Variants in MAGI2 observed in about 807,000 individuals in gnomAD.
MAGI2 encodes membrane-associated guanylate kinase, WW and PDZ domain-containing protein 2.
Under a neutral mutation model 133.3 loss-of-function variants are expected in MAGI2, and 35 were observed. The observed-to-expected ratio is 0.26, with a 90% CI of 0.20 to 0.35. MAGI2 has a LOEUF of 0.35. MAGI2 is among the 10% of genes least tolerant of loss of function. The pLI, the probability that MAGI2 is intolerant of heterozygous loss-of-function variation, is 1.00. For missense variants in MAGI2, 1,636 were observed against 1,863.4 expected, an observed-to-expected ratio of 0.88 and a Z score of 2.25; for synonymous variants, 729 against 710.6, an observed-to-expected ratio of 1.03 and a Z score of -0.41.
At chr7:78,828,748 A>G (rs1563553720) in intron 2 of MAGI2, among the ~76,000 whole-genome samples, 1 of 152,060 alleles carries the variant, frequency 6.6e-6, no homozygotes, top group African/African-American at 2.4e-5. Flanking sequence ...GTGTGTAGAA[A>G]CTCTCTGTAC....
At chr7:79,203,111 A>G (rs1183503246) in intron 1 of MAGI2, among the ~76,000 whole-genome samples, 4 of 151,910 alleles carry the variant, frequency 2.6e-5, no homozygotes, top group East Asian at 3.9e-4. Flanking sequence ...CTTCATCTCC[A>G]CACACGAAAA....
chr7:78,585,653 G>T (rs1232174564), intron 3 of MAGI2, among the ~76,000 whole-genome samples: 28 of 152,188 alleles, frequency 1.8e-4, no homozygotes, highest in Admixed American at 1.8e-3. Flanking sequence ...AAAGGCAATG[G>T]CAGTGATAAC....
chr7:78,836,724 T>C (rs1303339972), intron 2 of MAGI2, among the ~76,000 whole-genome samples: 1 of 152,178 alleles, frequency 6.6e-6, no homozygotes, highest in Non-Finnish European at 1.5e-5. Flanking sequence ...TTTTCTAGAC[T>C]CCTAGTGCCA....
chr7:78,336,217 T>C (rs993398782), intron 9 of MAGI2, among the ~76,000 whole-genome samples: 5 of 152,156 alleles, frequency 3.3e-5, no homozygotes, highest in Admixed American at 2.6e-4. Context: ...TACATATATA[T>C]ACACACATGC....
intron 2 of MAGI2, among the ~76,000 whole-genome samples, chr7:78,667,367 TC>T (rs1813721652): frequency 6.6e-6 from 1 of 150,856 alleles, no homozygotes; most frequent in African/African-American, 2.4e-5. Context: ...TTTTTGAGAT[TC>T]TTTTTTTTTT....
chr7:78,938,541 G>A (rs561143324), intron 2 of MAGI2, among the ~76,000 whole-genome samples: 191 of 152,122 alleles, frequency 1.3e-3, no homozygotes, highest in African/African-American at 4.2e-3. Context: ...AATAAGAAAT[G>A]ATACATGATT....
rs186030650 is a variant in MAGI2, at chr7:78,132,036, G to A, written c.3203+853C>T. Among the ~76,000 whole-genome samples, 33 of 152,130 alleles carry A rather than the reference G, an allele frequency of 2.2e-4. No homozygotes were observed. The East Asian group carries it at 5.8e-3, about 27-fold the overall frequency. On this transcript the variant is annotated intron_variant, in intron 18 of 21. Coordinates refer to ENST00000354212, the MANE Select transcript of MAGI2 (RefSeq NM_012301.4). ...ACTACAGGCGTGTACCACCACAACCGGCTAACTTTTGTGTTTTTTGTAGAG... is the reference window on the plus strand; with the variant it reads ...ACTACAGGCGTGTACCACCACAACCAGCTAACTTTTGTGTTTTTTGTAGAG...
At chr7:78,972,202 C>T (rs962332368) in intron 2 of MAGI2, among the ~76,000 whole-genome samples, 19 of 151,952 alleles carry the variant, frequency 1.3e-4, no homozygotes, top group African/African-American at 4.3e-4. Context: ...CATACCTGAT[C>T]ACTGATTTAA....
chr7:78,137,521 CT>C (rs1259522242), intron 16 of MAGI2, among the ~76,000 whole-genome samples: 1 of 152,122 alleles, frequency 6.6e-6, no homozygotes, highest in Non-Finnish European at 1.5e-5. Flanking sequence ...TAGGTACCAA[CT>C]TGGTTTCTTT....
intron 1 of MAGI2, among the ~76,000 whole-genome samples, chr7:79,100,943 A>G (rs746753476): frequency 2.6e-5 from 4 of 152,098 alleles, no homozygotes; most frequent in Admixed American, 2.0e-4. Flanking sequence ...TCTTTTTCCT[A>G]CTGAGATAAA....
intron 13 of MAGI2, among the ~76,000 whole-genome samples, chr7:78,178,532 C>T (rs907195659): frequency 6.6e-6 from 1 of 151,686 alleles, no homozygotes; most frequent in Non-Finnish European, 1.5e-5. Flanking sequence ...TAAAGCACTG[C>T]CTGGTAATTT....
In MAGI2 at chr7:79,416,725, C is replaced by CTTTTTTTTT. The variant is rs1176426138; in HGVS notation, c.301+36294_301+36295insAAAAAAAAA. ...TTCTTTTTTCTTTTCTTTTCTTTTTCTTTTTCTTTTTTTTTTTTTGAGGTG... is the reference window on the plus strand; with the variant it reads ...TTCTTTTTTCTTTTCTTTTCTTTTTCTTTTTTTTTTTTTTCTTTTTTTTTTTTTGAGGTG... On this transcript the variant is annotated intron_variant, in intron 1 of 21. Coordinates refer to ENST00000354212, the MANE Select transcript of MAGI2 (RefSeq NM_012301.4). Among the ~76,000 whole-genome samples, 31 of 102,462 alleles carry CTTTTTTTTT rather than the reference C, an allele frequency of 3.0e-4. 11 individuals carry two copies. Among genetic ancestry groups the CTTTTTTTTT allele is most frequent in the Admixed American group, 4.5e-4 (4 of 8,928 alleles). 67.2% of individuals were successfully genotyped at this position (102,462 alleles called of 152,430 possible). A position where few individuals can be genotyped will look rare whatever the true frequency, so the allele number is the denominator to read the frequency against.
rs535666523 is a variant in MAGI2 at position 79,239,234 on chromosome 7, C to G, written c.301+213786G>C. On this transcript the variant is annotated intron_variant, in intron 1 of 21. Transcript: ENST00000354212. ...TAGTAGTTACTCTTTTTTTCCCATA[C>G]AGTATAAGCAGAAAAGTGGCTAATG... 1.2e-3 allele frequency among the ~76,000 whole-genome samples: 185 copies of G among 152,024 alleles called. 1 individual carries two copies. The highest frequency in any genetic ancestry group is 4.3e-3 in the African/African-American group (180 of 41,486).
intron 9 of MAGI2, among the ~76,000 whole-genome samples, chr7:78,290,637 T>C (rs1796607680): frequency 6.6e-6 from 1 of 152,160 alleles, no homozygotes; most frequent in Non-Finnish European, 1.5e-5. Flanking sequence ...CAACAGAATA[T>C]ACATTCTTCT....
intron 1 of MAGI2, among the ~76,000 whole-genome samples, chr7:79,382,243 C>A (rs1843845848): frequency 6.6e-6 from 1 of 151,628 alleles, no homozygotes; most frequent in Non-Finnish European, 1.5e-5. Context: ...AAAGAGATTT[C>A]TTTGAATTAT....
At chr7:78,529,460 A>G (rs1797251921) in intron 3 of MAGI2, among the ~76,000 whole-genome samples, 1 of 152,190 alleles carries the variant, frequency 6.6e-6, no homozygotes. Flanking sequence ...GATGTCAAAT[A>G]TACATCTGCT....
At chr7:78,298,622 G>A (rs1191050378) in intron 9 of MAGI2, among the ~76,000 whole-genome samples, 1 of 152,054 alleles carries the variant, frequency 6.6e-6, no homozygotes, top group Non-Finnish European at 1.5e-5. Flanking sequence ...TTGTGCCTCA[G>A]CCTCCCGAAT....
chr7:78,020,113 C>G, intron 21 of MAGI2, 137 bp from the exon 22 acceptor site: 2 of 762,958 alleles, frequency 2.6e-6, no homozygotes, highest in Non-Finnish European at 4.0e-6. Flanking sequence ...ACCCCCACCC[C>G]CACCCTCACT....
chr7:78,747,801 A>C lies in MAGI2; in HGVS notation c.419-120562T>G, dbSNP rs555683443. Among the ~76,000 whole-genome samples, 7 of 152,292 alleles carry C rather than the reference A, an allele frequency of 4.6e-5. No homozygotes were observed. In the South Asian group the frequency reaches 1.2e-3, roughly 27 times the overall value. ...AATATGTGTCCCTGGGAGTTAGCAC[A>C]GGGCCTGTTTTCCTGCCAAAGGCTT... On this transcript the variant is annotated intron_variant, in intron 2 of 21. Coordinates refer to ENST00000354212, the MANE Select transcript of MAGI2 (RefSeq NM_012301.4).
Sources: gnomAD v4.1 joint callset for allele counts (sites outside exome capture counted in the v4.1 genomes callset) on GRCh38, gnomAD v4.1.1 for gene constraint, MANE v1.5 for transcripts, NCBI Gene and HGNC (gene_info 2026-07-23, HGNC 2026-07-21) for gene names.